The following CSMD3 variants were observed in gnomAD, a reference collection of about 807,000 sequenced individuals.
CSMD3 encodes the protein CUB and sushi domain-containing protein 3.
In CSMD3, 177 loss-of-function variants were observed where a neutral mutation model predicts 435.2. The observed-to-expected ratio is 0.41, with a 90% CI of 0.36 to 0.46. CSMD3 has a LOEUF of 0.46. CSMD3 is among the 20% of genes least tolerant of loss of function. CSMD3 has a pLI of 0.34. For missense variants in CSMD3, 4,265 were observed against 4,504.6 expected (o/e 0.95, Z 1.52); for synonymous variants, 1,656 against 1,520.5 (o/e 1.09, Z -2.07).
At chr8:112,233,546 C>A (rs1042644526) in intron 68 of CSMD3, among the ~76,000 whole-genome samples, 1 of 152,024 alleles carries the variant, frequency 6.6e-6, no homozygotes, top group South Asian at 2.1e-4. Flanking sequence ...CCTCAGGAAC[C>A]AAACTTATTG....
intron 16 of CSMD3, among the ~76,000 whole-genome samples, chr8:112,672,400 C>A (rs1030965068): frequency 7.2e-5 from 11 of 152,058 alleles, no homozygotes; most frequent in African/African-American, 2.7e-4. Flanking sequence ...CAAAGACTTT[C>A]AAACGTTAGT....
rs1563850534 is a variant in CSMD3 at position 112,685,403 on chromosome 8, T to G, written c.2482+3A>C. On this transcript the variant is annotated splice_donor_region_variant and intron_variant, in intron 15 of 70. Coordinates refer to ENST00000297405, the MANE Select transcript of CSMD3 (RefSeq NM_198123.2). ...TGGGAAAAAAACAGAAACAGAAACT[T>G]ACTGTTGTAAGTGATGTTAAAGCCA... 1 of 1,610,948 alleles carries G rather than the reference T, an allele frequency of 6.2e-7. No homozygotes were observed.
At chr8:112,393,477 A>G (rs1830610994) in intron 35 of CSMD3, among the ~76,000 whole-genome samples, 2 of 152,168 alleles carry the variant, frequency 1.3e-5, no homozygotes, top group African/African-American at 4.8e-5. Context: ...CAATTTTATC[A>G]TACTATGCTT....
chr8:113,318,651 A>T (rs982168901), intron 1 of CSMD3, among the ~76,000 whole-genome samples: 18 of 152,068 alleles, frequency 1.2e-4, no homozygotes, highest in East Asian at 5.8e-4. Context: ...TTTTAAAAAA[A>T]ATATATTCCA....
intron 9 of CSMD3, among the ~76,000 whole-genome samples, chr8:112,931,909 C>T (rs774417522): frequency 3.3e-5 from 5 of 152,104 alleles, no homozygotes; most frequent in Non-Finnish European, 5.9e-5. Context: ...CATCTTACCA[C>T]AGTTAGAAGG....
chr8:112,788,242 C>T (rs1489040247), intron 13 of CSMD3, among the ~76,000 whole-genome samples: 5 of 152,110 alleles, frequency 3.3e-5, no homozygotes, highest in Non-Finnish European at 7.4e-5. Flanking sequence ...CTTTTGCCTG[C>T]ATTGGAGAAA....
intron 30 of CSMD3, among the ~76,000 whole-genome samples, chr8:112,495,595 T>A (rs1821255298): frequency 6.6e-6 from 1 of 152,210 alleles, no homozygotes; most frequent in African/African-American, 2.4e-5. Context: ...TTTATTTATA[T>A]CCACATATGC....
intron 11 of CSMD3, among the ~76,000 whole-genome samples, chr8:112,833,158 C>T (rs1199088133): frequency 6.6e-6 from 1 of 151,970 alleles, no homozygotes; most frequent in Non-Finnish European, 1.5e-5. Context: ...GACCATTTGT[C>T]TTTCACATAT....
chr8:112,317,397 G>A (rs191255847), intron 47 of CSMD3, among the ~76,000 whole-genome samples: 1 of 152,134 alleles, frequency 6.6e-6, no homozygotes, highest in African/African-American at 2.4e-5. Context: ...TTTTATTGGA[G>A]TCAAGACAGA....
intron 35 of CSMD3, 145 bp from the exon 36 acceptor site, chr8:112,390,933 ATG>A: frequency 1.2e-6 from 1 of 804,630 alleles, no homozygotes; most frequent in South Asian, 1.5e-5. Flanking sequence ...AGCAATGAAA[ATG>A]AAGTTTTTGT....
chr8:112,597,634 C>A (rs1224741925), intron 22 of CSMD3, among the ~76,000 whole-genome samples: 1 of 120,002 alleles, frequency 8.3e-6, no homozygotes, highest in Non-Finnish European at 1.7e-5. Flanking sequence ...TACTGGCAAA[C>A]CGAATCCAGT....
At chr8:112,225,017 A>T (rs1812442015) in intron 70 of CSMD3, 87 bp from the exon 71 acceptor site, 3 of 1,238,976 alleles carry the variant, frequency 2.4e-6, no homozygotes, top group Non-Finnish European at 3.6e-6. Context: ...CATCGTTAGC[A>T]GATAATGTAA....
chr8:112,292,380 G>A (rs1219833123), intron 55 of CSMD3, among the ~76,000 whole-genome samples, 157 bp downstream of exon 55: 1 of 152,006 alleles, frequency 6.6e-6, no homozygotes, highest in East Asian at 1.9e-4. Flanking sequence ...TTAGAAAAAG[G>A]AAAGCATTGT....
intron 10 of CSMD3, among the ~76,000 whole-genome samples, chr8:112,882,551 C>T (rs1442423400): frequency 6.6e-6 from 1 of 151,944 alleles, no homozygotes; most frequent in Non-Finnish European, 1.5e-5. Flanking sequence ...CACTCTTTTC[C>T]CTTTATTTAT....
chr8:112,231,201 T>C (rs1467068594), intron 69 of CSMD3, among the ~76,000 whole-genome samples: 1 of 152,206 alleles, frequency 6.6e-6, no homozygotes, highest in Non-Finnish European at 1.5e-5. Context: ...TGAAGAAAAG[T>C]AGTACAGTTC....
intron 23 of CSMD3, among the ~76,000 whole-genome samples, chr8:112,586,650 A>G (rs975730676): frequency 6.6e-6 from 1 of 150,960 alleles, no homozygotes; most frequent in Non-Finnish European, 1.5e-5. Flanking sequence ...TAAATAAGTT[A>G]CATTATAGAC....
intron 17 of CSMD3, among the ~76,000 whole-genome samples, chr8:112,661,954 T>C (rs1174645172): frequency 6.6e-6 from 1 of 152,084 alleles, no homozygotes; most frequent in Non-Finnish European, 1.5e-5. Flanking sequence ...TACCCTGCTA[T>C]ATACCAGGAG....
rs575827600 is a variant in CSMD3, at chr8:113,027,790, T to C, written c.918-8611A>G. 1.4e-4 allele frequency among the ~76,000 whole-genome samples: 22 copies of C among 152,212 alleles called. No homozygotes were observed. In the South Asian group the frequency reaches 4.1e-3, roughly 29 times the overall value. ...TAACTCTCTTCTGATTTCCCACTTA[T>C]CACTTATTTCCAGGATCTATCCTTT... On this transcript the variant is annotated intron_variant, in intron 5 of 70. Coordinates refer to ENST00000297405, the MANE Select transcript of CSMD3 (RefSeq NM_198123.2).
At chr8:112,444,040 CTGAG>C (rs1262923032) in intron 32 of CSMD3, among the ~76,000 whole-genome samples, 10 of 152,150 alleles carry the variant, frequency 6.6e-5, no homozygotes, top group African/African-American at 2.2e-4. Flanking sequence ...TGTAGTAGAA[CTGAG>C]TAACTATTTT....
Sources: allele counts gnomAD v4.1 joint callset (sites outside exome capture counted in the v4.1 genomes callset), GRCh38; gene constraint gnomAD v4.1.1; transcripts MANE v1.5; gene names NCBI Gene and HGNC (gene_info 2026-07-23, HGNC 2026-07-21).